The following MARCHF1 variants were observed in gnomAD, a reference collection of about 807,000 sequenced individuals.
MARCHF1 encodes the protein membrane associated ring-CH-type finger 1.
In MARCHF1, 40 loss-of-function variants were observed where a neutral mutation model predicts 54.2. The observed-to-expected ratio is 0.74, with a 90% CI of 0.57 to 0.96. MARCHF1 has a LOEUF of 0.96. Ranked by LOEUF, MARCHF1 falls within the 40% of genes least tolerant of loss-of-function variation. The pLI is 0.00. For synonymous variants in MARCHF1, 236 were observed against 236.3 expected (o/e 1.00, Z 0.01); for missense variants, 586 against 656.5 (o/e 0.89, Z 1.17).
In MARCHF1 at chr4:163,733,238, T is replaced by A. The variant is rs191720769; in HGVS notation, c.112-32375A>T. On this transcript the variant is annotated intron_variant, in intron 4 of 9. Transcript: ENST00000514618. Reference sequence around the variant, plus strand: ...ATATATATACACGTGTATATATATATATACACGTGTATATATATATACACA... The same window carrying A: ...ATATATATACACGTGTATATATATAAATACACGTGTATATATATATACACA... 3.5e-5 allele frequency among the ~76,000 whole-genome samples: 2 copies of A among 56,842 alleles called. 1 individual carries two copies. The highest frequency in any genetic ancestry group is 0.015 in the Middle Eastern group (2 of 136). The allele number at this position is 56,842 out of a possible 152,430, so 37.3% of individuals were successfully genotyped here.
downstream of MARCHF1, chr4:163,524,550 C>G (rs1738034902): frequency 6.6e-6 from 1 of 152,122 alleles, no homozygotes; most frequent in Non-Finnish European, 1.5e-5. Flanking sequence ...TGGTTTCCCT[C>G]TGTTTGTGTA....
intron 1 of MARCHF1, among the ~76,000 whole-genome samples, chr4:164,368,230 C>A (rs930977279): frequency 6.7e-6 from 1 of 149,366 alleles, no homozygotes; most frequent in South Asian, 2.1e-4. Flanking sequence ...AAAATAATAT[C>A]ATATAATTCT....
At position 164,195,960 on chromosome 4, in the gene MARCHF1, AAATT is replaced by A. The variant is rs545823336; in HGVS notation, c.-322-84302_-322-84299del. Among the ~76,000 whole-genome samples the A allele has an allele frequency of 3.2e-3, 486 of 152,312 alleles. 1 individual carries two copies. The highest frequency in any genetic ancestry group is 0.011 in the African/African-American group (461 of 41,578). ...GTCTCCAATTCTATGCTAAAAACAA[AAATT>A]AATGCAGAAAAATCAACATAAATAT... On this transcript the variant is annotated intron_variant, in intron 1 of 9. Transcript: ENST00000514618.
intron 8 of MARCHF1, among the ~76,000 whole-genome samples, chr4:163,567,655 T>C (rs1348081097): frequency 6.6e-6 from 1 of 152,188 alleles, no homozygotes; most frequent in Admixed American, 6.5e-5. Flanking sequence ...TCTCTTCTCC[T>C]GTCTGCCGCC....
chr4:163,661,700 A>G (rs1013626984), intron 5 of MARCHF1, among the ~76,000 whole-genome samples: 3 of 151,948 alleles, frequency 2.0e-5, no homozygotes, highest in Non-Finnish European at 4.4e-5. Flanking sequence ...GTTTGAAACC[A>G]TCCACATAGT....
chr4:163,951,275 T>TC lies in MARCHF1; in HGVS notation c.-39+37225dup, dbSNP rs1193640142. 3.9e-5 allele frequency among the ~76,000 whole-genome samples: 6 copies of TC among 152,338 alleles called. No homozygotes were observed. The South Asian group carries it at 1.0e-3, about 26-fold the overall frequency. On this transcript the variant is annotated intron_variant, in intron 3 of 9. Coordinates refer to ENST00000514618, the MANE Select transcript of MARCHF1 (RefSeq NM_001394959.1). ...TGATCAAAATTCCTGGCTCTTTTTT[T>TC]CACCGTTAACCCTTGTCCTTAACTC...
intron 1 of MARCHF1, among the ~76,000 whole-genome samples, chr4:164,265,357 G>A (rs1369747252): frequency 6.6e-6 from 1 of 152,106 alleles, no homozygotes; most frequent in Non-Finnish European, 1.5e-5. Context: ...AAAATACTGA[G>A]ATTATGGTGT....
chr4:163,662,091 T>C (rs765915105), intron 5 of MARCHF1, among the ~76,000 whole-genome samples: 1 of 152,082 alleles, frequency 6.6e-6, no homozygotes, highest in Non-Finnish European at 1.5e-5. Flanking sequence ...TTTTTTGGTA[T>C]GTGTAAGATG....
intron 1 of MARCHF1, among the ~76,000 whole-genome samples, chr4:164,251,200 T>C (rs1002171963): frequency 3.3e-5 from 5 of 152,188 alleles, no homozygotes; most frequent in African/African-American, 9.6e-5. Flanking sequence ...CAAAACCTCT[T>C]TGAATTTGCT....
chr4:164,247,461 G>A (rs1732984746), intron 1 of MARCHF1, among the ~76,000 whole-genome samples: 1 of 151,736 alleles, frequency 6.6e-6, no homozygotes, highest in Admixed American at 6.6e-5. Flanking sequence ...CTGTTGTGGG[G>A]TGCGGGGAGA....
intron 4 of MARCHF1, among the ~76,000 whole-genome samples, chr4:163,730,591 A>C (rs773744495): frequency 1.1e-4 from 17 of 152,006 alleles, no homozygotes; most frequent in Non-Finnish European, 1.9e-4. Flanking sequence ...ATTATACTTT[A>C]AGTTCTAGGG....
At chr4:164,031,205 TC>T (rs1310829465) in intron 2 of MARCHF1, among the ~76,000 whole-genome samples, 1 of 152,138 alleles carries the variant, frequency 6.6e-6, no homozygotes, top group Non-Finnish European at 1.5e-5. Context: ...TTCAACTTCT[TC>T]CTTGTTTAGT....
intron 2 of MARCHF1, among the ~76,000 whole-genome samples, chr4:164,062,816 G>A (rs945009180): frequency 3.9e-5 from 6 of 152,224 alleles, no homozygotes; most frequent in African/African-American, 9.6e-5. Flanking sequence ...GAGTCACCAC[G>A]CCAGGCCAAT....
In MARCHF1 at chr4:163,704,002, C is replaced by T. The variant is rs375416749; in HGVS notation, c.112-3139G>A. Reference sequence around the variant, plus strand: ...GTTCCTTTAAAACGAAGTGGTCTGTCCTAACAATACACAACATGACTGGAC... The same window carrying T: ...GTTCCTTTAAAACGAAGTGGTCTGTTCTAACAATACACAACATGACTGGAC... On this transcript the variant is annotated intron_variant, in intron 4 of 9. Coordinates refer to ENST00000514618, the MANE Select transcript of MARCHF1 (RefSeq NM_001394959.1). Among the ~76,000 whole-genome samples the T allele has an allele frequency of 4.6e-5, 7 of 151,652 alleles. No homozygotes were observed. In the East Asian group the frequency reaches 7.7e-4, roughly 17 times the overall value.
At chr4:164,134,101 T>G (rs1425974512) in intron 1 of MARCHF1, among the ~76,000 whole-genome samples, 1 of 152,190 alleles carries the variant, frequency 6.6e-6, no homozygotes, top group African/African-American at 2.4e-5. Flanking sequence ...TTTGGTGCCA[T>G]TATATATTTT....
At chr4:163,769,299 A>T (rs536079028) in intron 4 of MARCHF1, among the ~76,000 whole-genome samples, 1 of 152,306 alleles carries the variant, frequency 6.6e-6, no homozygotes, top group African/African-American at 2.4e-5. Flanking sequence ...ATTCATTTTT[A>T]TGGCAATCAC....
intron 4 of MARCHF1, among the ~76,000 whole-genome samples, chr4:163,812,926 AACAC>A (rs147517030): frequency 6.6e-6 from 1 of 152,234 alleles, no homozygotes; most frequent in Non-Finnish European, 1.5e-5. Flanking sequence ...CTACCAGTGA[AACAC>A]AGAACTCTTC....
intron 7 of MARCHF1, among the ~76,000 whole-genome samples, chr4:163,590,127 GGTCTT>G (rs1560959705): frequency 6.7e-6 from 1 of 149,862 alleles, no homozygotes; most frequent in Non-Finnish European, 1.5e-5. Flanking sequence ...GAAAAGTAGG[GGTCTT>G]TTTTGGGTCT....
chr4:164,364,407 A>T (rs1730820230), intron 1 of MARCHF1, among the ~76,000 whole-genome samples: 1 of 152,068 alleles, frequency 6.6e-6, no homozygotes, highest in South Asian at 2.1e-4. Context: ...TGTAGTGGTA[A>T]ATAAAGTAAG....
Sources: gnomAD v4.1 joint callset for allele counts (sites outside exome capture counted in the v4.1 genomes callset) on GRCh38, gnomAD v4.1.1 for gene constraint, MANE v1.5 for transcripts, NCBI Gene and HGNC (gene_info 2026-07-23, HGNC 2026-07-21) for gene names.